Variants in RGS6 observed in about 807,000 individuals in gnomAD.
RGS6 encodes regulator of G-protein signaling 6.
Under a neutral mutation model 78.5 loss-of-function variants are expected in RGS6, and 30 were observed. The ratio of observed to expected loss-of-function variants is 0.38; its 90% CI spans 0.29 to 0.52. The LOEUF (loss-of-function observed/expected upper bound fraction) is 0.52. Among genes scored for constraint, RGS6 ranks in the 20% least tolerant of loss-of-function variants. RGS6 has a pLI of 0.85. For missense variants in RGS6, 495 were observed against 609.7 expected, an observed-to-expected ratio of 0.81 and a Z score of 1.98; for synonymous variants, 206 against 206.0, an observed-to-expected ratio of 1.00 and a Z score of 0.00.
Position 72,330,193 on chromosome 14 carries a change from C to A in RGS6, c.85-21902C>A, listed in dbSNP as rs183787804. Among the ~76,000 whole-genome samples, 16 of 152,356 alleles carry A rather than the reference C, an allele frequency of 1.1e-4. No homozygotes were observed. The East Asian group carries it at 2.7e-3, about 26-fold the overall frequency. ...GAAACCTTCCGGTCCAGTTCTCCCC[C>A]ATTTGTCAGTCTTTGTCCTTGACAA... On this transcript the variant is annotated intron_variant, in intron 2 of 17. Transcript: ENST00000553525.
chr14:71,893,490 A>G, the RGS6 span, among the ~76,000 whole-genome samples: 1 of 152,186 alleles, frequency 6.6e-6, no homozygotes. Flanking sequence ...TTGCTTTGTC[A>G]TCAAAAGACC....
chr14:72,179,390 C>T (rs1015638417), intron 2 of RGS6, among the ~76,000 whole-genome samples: 5 of 152,102 alleles, frequency 3.3e-5, no homozygotes, highest in Non-Finnish European at 4.4e-5. Flanking sequence ...TGGCAAGCAC[C>T]GCTCAGTTTA....
the RGS6 span, among the ~76,000 whole-genome samples, chr14:72,627,046 T>C: frequency 6.6e-6 from 1 of 152,026 alleles, no homozygotes; most frequent in Admixed American, 6.6e-5. Flanking sequence ...AACACTTCTT[T>C]TTATATAGGG....
chr14:72,417,335 T>A (rs2093889094), intron 3 of RGS6, among the ~76,000 whole-genome samples: 1 of 152,172 alleles, frequency 6.6e-6, no homozygotes. Flanking sequence ...CAGTCCTTCA[T>A]TTATTCATTC....
chr14:72,114,271 A>G (rs890459468), intron 2 of RGS6, among the ~76,000 whole-genome samples: 3 of 152,064 alleles, frequency 2.0e-5, no homozygotes, highest in Non-Finnish European at 2.9e-5. Context: ...TCTGTCAATG[A>G]TGTCCCCCAC....
chr14:72,555,152 C>T (rs1378029393), intron 17 of RGS6, among the ~76,000 whole-genome samples: 2 of 152,168 alleles, frequency 1.3e-5, no homozygotes, highest in Non-Finnish European at 2.9e-5. Flanking sequence ...ACCCTGCCTG[C>T]CCCACCTTAG....
chr14:72,260,498 A>G (rs1226187047), intron 2 of RGS6, among the ~76,000 whole-genome samples: 2 of 152,192 alleles, frequency 1.3e-5, no homozygotes, highest in Non-Finnish European at 2.9e-5. Context: ...AACATTAGAG[A>G]TGACTGGTGA....
chr14:72,180,511 T>C (rs945783168), intron 2 of RGS6, among the ~76,000 whole-genome samples: 2 of 152,256 alleles, frequency 1.3e-5, no homozygotes, highest in African/African-American at 4.8e-5. Context: ...TGGGTTATCA[T>C]AGACTCAATT....
intron 2 of RGS6, among the ~76,000 whole-genome samples, chr14:71,978,990 A>C (rs78999114): frequency 2.0e-5 from 3 of 147,226 alleles, no homozygotes; most frequent in Non-Finnish European, 3.0e-5. Flanking sequence ...GTTTAGTCTT[A>C]GGAGAGTGTA....
chr14:72,234,771 A>G (rs1279549883), intron 2 of RGS6, among the ~76,000 whole-genome samples: 2 of 151,838 alleles, frequency 1.3e-5, no homozygotes, highest in Non-Finnish European at 1.5e-5. Context: ...TTCCTCATGG[A>G]CCCTCAGTAA....
At chr14:72,407,411 T>G (rs768259998) in intron 3 of RGS6, among the ~76,000 whole-genome samples, 2 of 152,216 alleles carry the variant, frequency 1.3e-5, no homozygotes, top group Non-Finnish European at 2.9e-5. Context: ...CTAATGTCTT[T>G]CTAATGAGTG....
chr14:72,498,241 G>A (rs553170345), intron 13 of RGS6, among the ~76,000 whole-genome samples: 2 of 152,150 alleles, frequency 1.3e-5, no homozygotes, highest in East Asian at 1.9e-4. Context: ...TTTTTTCATA[G>A]TTTATATTTT....
At chr14:72,547,060 TAAG>T in intron 17 of RGS6, 2 of 1,003,500 alleles carry the variant, frequency 2.0e-6, no homozygotes, top group South Asian at 1.5e-5. Context: ...ACCTGCCTAG[TAAG>T]AAGGCAGAGA....
intron 15 of RGS6, among the ~76,000 whole-genome samples, chr14:72,535,941 A>G (rs1437221728): frequency 1.3e-5 from 2 of 152,148 alleles, no homozygotes. Flanking sequence ...ACCCAAGCCC[A>G]ATTACAAATC....
At chr14:72,451,398 G>C (rs2095489520) in intron 3 of RGS6, among the ~76,000 whole-genome samples, 1 of 152,208 alleles carries the variant, frequency 6.6e-6, no homozygotes, top group Non-Finnish European at 1.5e-5. Flanking sequence ...GCAAACCACG[G>C]CCTGGTGGAC....
chr14:72,092,788 A>G (rs1397530501), intron 2 of RGS6, among the ~76,000 whole-genome samples: 6 of 152,222 alleles, frequency 3.9e-5, no homozygotes, highest in African/African-American at 1.2e-4. Flanking sequence ...CTCTGCATCC[A>G]GTTTCCCCTA....
chr14:72,033,388 C>T (rs533827008), intron 2 of RGS6, among the ~76,000 whole-genome samples: 1 of 152,136 alleles, frequency 6.6e-6, no homozygotes, highest in East Asian at 1.9e-4. Context: ...CATGAGCCAC[C>T]ATGTCTGGCT....
intron 2 of RGS6, among the ~76,000 whole-genome samples, chr14:72,117,270 G>A (rs1387372380): frequency 1.3e-5 from 2 of 152,084 alleles, no homozygotes; most frequent in Non-Finnish European, 2.9e-5. Flanking sequence ...GTTGGAGGTG[G>A]GGGCTGGTGG....
At chr14:72,088,949 A>G (rs566532134) in intron 2 of RGS6, among the ~76,000 whole-genome samples, 2 of 152,286 alleles carry the variant, frequency 1.3e-5, no homozygotes, top group South Asian at 4.1e-4. Context: ...ACATGTTCTC[A>G]TTGTTCACCG....
Sources: allele counts gnomAD v4.1 joint callset (sites outside exome capture counted in the v4.1 genomes callset), GRCh38; gene constraint gnomAD v4.1.1; transcripts MANE v1.5; gene names NCBI Gene and HGNC (gene_info 2026-07-23, HGNC 2026-07-21).